Variants in ILDR1 observed in about 807,000 individuals in gnomAD.
ILDR1 encodes the protein immunoglobulin-like domain-containing receptor 1.
A neutral mutation model predicts 62.4 loss-of-function variants in ILDR1; 56 were observed. That is an observed-to-expected ratio of 0.90 (90% CI 0.72 to 1.12). ILDR1 has a LOEUF of 1.12. Among genes scored for constraint, ILDR1 ranks in the 50% most tolerant of loss-of-function variants. ILDR1 has a pLI of 0.00. For synonymous variants in ILDR1, 284 were observed against 277.8 expected, an observed-to-expected ratio of 1.02 and a Z score of -0.22; for missense variants, 736 against 710.6, an observed-to-expected ratio of 1.04 and a Z score of -0.41.
chr3:122,041,865 A>G, the ILDR1 span, among the ~76,000 whole-genome samples: 3 of 151,346 alleles, frequency 2.0e-5, no homozygotes, highest in African/African-American at 4.8e-5. Flanking sequence ...AACACAGATA[A>G]TGTTACTTCT....
At chr3:122,047,351 A>C in the ILDR1 span, among the ~76,000 whole-genome samples, 7,490 of 152,310 alleles carry the variant, frequency 0.049, 424 homozygotes, top group African/African-American at 0.14. Context: ...TTAAGTCTGC[A>C]GAGGTTACTG....
chr3:122,053,139 G>C, the ILDR1 span, among the ~76,000 whole-genome samples: 6 of 152,180 alleles, frequency 3.9e-5, no homozygotes, highest in Admixed American at 2.6e-4. Flanking sequence ...AGGGAGCACA[G>C]GCTGGGGTTT....
chr3:122,005,208 C>CA lies in ILDR1; in HGVS notation c.379+35dup, dbSNP rs1559877034. 13 of 1,283,024 alleles carry CA rather than the reference C, an allele frequency of 1.0e-5. 1 individual carries two copies. Among genetic ancestry groups the CA allele is most frequent in the Admixed American group, 5.3e-5 (3 of 56,844 alleles). The allele number at this position is 1,283,024 out of a possible 1,614,324, so 79.5% of individuals were successfully genotyped here. On this transcript the variant is annotated intron_variant, in intron 3 of 7. Transcript: ENST00000344209. Reference sequence around the variant, plus strand: ...CAGGCCTGGTGTCTGCACCTCCCCCCACCCCCAGTTCCCCTGACACCTCCC... The same window carrying CA: ...CAGGCCTGGTGTCTGCACCTCCCCCCAACCCCCAGTTCCCCTGACACCTCCC...
chr3:121,996,249 A>T (rs1452239700), intron 5 of ILDR1, among the ~76,000 whole-genome samples: 2 of 152,016 alleles, frequency 1.3e-5, no homozygotes, highest in Non-Finnish European at 2.9e-5. Flanking sequence ...TCCTCAAATG[A>T]TTTTTTCACT....
At chr3:121,994,482 T>C (rs558711170) in intron 5 of ILDR1, among the ~76,000 whole-genome samples, 169 bp from the exon 6 acceptor site, 1 of 152,352 alleles carries the variant, frequency 6.6e-6, no homozygotes, top group South Asian at 2.1e-4. Context: ...ACTGTCCCCC[T>C]GGCGAGGAGC....
chr3:121,991,139 G>T (rs1328080888), intron 7 of ILDR1, among the ~76,000 whole-genome samples: 1 of 152,088 alleles, frequency 6.6e-6, no homozygotes, highest in African/African-American at 2.4e-5. Context: ...GGCAGAGGTT[G>T]CAGAGAGCCG....
chr3:122,001,462 G>A lies in ILDR1; in HGVS notation c.500-8C>T. ...AGATCACTGTCAGCCAGTCTGCAGGGGAGAAGCCAAGCAGGGGTTGAACTA... is the reference window on the plus strand; with the variant it reads ...AGATCACTGTCAGCCAGTCTGCAGGAGAGAAGCCAAGCAGGGGTTGAACTA... On this transcript the variant is annotated splice_polypyrimidine_tract_variant and splice_region_variant and intron_variant, in intron 4 of 7. Transcript: ENST00000344209. 1 of 1,614,050 alleles carries A rather than the reference G, an allele frequency of 6.2e-7. No individual in the cohort carries two copies. Among genetic ancestry groups the A allele is most frequent in the East Asian group, 2.2e-5 (1 of 44,886 alleles).
the ILDR1 span, among the ~76,000 whole-genome samples, chr3:122,060,051 A>G: frequency 0.025 from 3,850 of 152,290 alleles, 81 homozygotes; most frequent in Middle Eastern, 0.037. Flanking sequence ...AGTTTGTGGT[A>G]CTTTGTTACC....
chr3:122,041,987 A>T, the ILDR1 span, among the ~76,000 whole-genome samples: 1,877 of 141,450 alleles, frequency 0.013, 30 homozygotes, highest in African/African-American at 0.047. Context: ...ACATATGTAT[A>T]CATGTGCCAT....
chr3:122,013,610 G>A (rs1022750150), intron 1 of ILDR1, among the ~76,000 whole-genome samples: 7 of 151,996 alleles, frequency 4.6e-5, no homozygotes, highest in Non-Finnish European at 7.4e-5. Flanking sequence ...AAATATGAGC[G>A]GAATCAAGGA....
the ILDR1 span, among the ~76,000 whole-genome samples, chr3:122,039,529 T>C: frequency 6.6e-6 from 1 of 152,100 alleles, no homozygotes; most frequent in Non-Finnish European, 1.5e-5. Flanking sequence ...CCATGTTCTT[T>C]ATGCAGCAAA....
chr3:122,001,674 T>C (rs954646766), intron 4 of ILDR1, 71 bp downstream of exon 4: 9 of 1,601,946 alleles, frequency 5.6e-6, no homozygotes, highest in Non-Finnish European at 7.7e-6. Context: ...CTGGTTTTTT[T>C]TTTTTTTTCC....
At chr3:122,037,930 C>CTCTCTCTG in the ILDR1 span, among the ~76,000 whole-genome samples, 1 of 151,674 alleles carries the variant, frequency 6.6e-6, no homozygotes, top group African/African-American at 2.4e-5. Context: ...TCCTCTCTCT[C>CTCTCTCTG]TCTCTCTGTC....
chr3:121,992,384 C>T (rs533286019), intron 7 of ILDR1, among the ~76,000 whole-genome samples: 7 of 152,226 alleles, frequency 4.6e-5, no homozygotes, highest in East Asian at 1.9e-4. Context: ...GTGATCCACC[C>T]GCCTCGGCCT....
At chr3:121,995,953 G>T (rs1176352283) in intron 5 of ILDR1, among the ~76,000 whole-genome samples, 1 of 152,084 alleles carries the variant, frequency 6.6e-6, no homozygotes, top group African/African-American at 2.4e-5. Context: ...GTGCCGCACC[G>T]CCAAGTCCCC....
chr3:122,005,900 A>G (rs1285458228), intron 2 of ILDR1, among the ~76,000 whole-genome samples: 1 of 134,274 alleles, frequency 7.4e-6, no homozygotes, highest in Non-Finnish European at 1.6e-5. Context: ...ACTCCATCTC[A>G]AAACAAAAAC....
chr3:122,001,932 C>A (rs1251200392), intron 3 of ILDR1, 68 bp from the exon 4 acceptor site: 2 of 1,564,956 alleles, frequency 1.3e-6, no homozygotes, highest in African/African-American at 1.4e-5. Flanking sequence ...CCCATGACAC[C>A]CTCAAGACCT....
chr3:122,005,839 C>T (rs542904061), intron 2 of ILDR1, among the ~76,000 whole-genome samples: 4 of 151,894 alleles, frequency 2.6e-5, no homozygotes, highest in Admixed American at 6.6e-5. Context: ...GCAGAGGTTG[C>T]GATGAGTTGA....
the ILDR1 span, among the ~76,000 whole-genome samples, chr3:122,047,310 T>C: frequency 2.6e-5 from 4 of 152,202 alleles, no homozygotes; most frequent in Non-Finnish European, 5.9e-5. Flanking sequence ...GGAGAACCAC[T>C]GCTCTCTTCA....
Sources: allele counts gnomAD v4.1 joint callset (sites outside exome capture counted in the v4.1 genomes callset), GRCh38; gene constraint gnomAD v4.1.1; transcripts MANE v1.5; gene names NCBI Gene and HGNC (gene_info 2026-07-23, HGNC 2026-07-21).